Variants in NEGR1 observed in about 807,000 individuals in gnomAD.
The protein encoded by NEGR1 is neuronal growth regulator 1, also known as IgLON family member 4.
Under a neutral mutation model 40.9 loss-of-function variants are expected in NEGR1, and 10 were observed. The ratio of observed to expected loss-of-function variants is 0.24; its 90% confidence interval spans 0.15 to 0.42. NEGR1 has a LOEUF of 0.42. NEGR1 is among the 10% of genes least tolerant of loss of function. The probability of loss-of-function intolerance (pLI) is 1.00; values close to 1 mark genes in which losing one functional copy is unlikely to be tolerated. For synonymous variants in NEGR1, 185 were observed against 166.8 expected, an observed-to-expected ratio of 1.11 and a Z score of -0.84; for missense variants, 352 against 438.9, an observed-to-expected ratio of 0.80 and a Z score of 1.77.
chr1:72,281,268 G>T (rs560212949), intron 1 of NEGR1, among the ~76,000 whole-genome samples: 1 of 152,156 alleles, frequency 6.6e-6, no homozygotes, highest in Non-Finnish European at 1.5e-5. Context: ...TGAGAGCAGC[G>T]AGTGAGACAG....
intron 2 of NEGR1, among the ~76,000 whole-genome samples, chr1:71,899,492 T>A (rs577571953): frequency 6.6e-6 from 1 of 152,104 alleles, no homozygotes; most frequent in African/African-American, 2.4e-5. Context: ...GAAGAATCAC[T>A]GAGGAAGAAA....
chr1:71,654,075 C>T (rs1281242306), intron 4 of NEGR1, among the ~76,000 whole-genome samples: 4 of 151,958 alleles, frequency 2.6e-5, no homozygotes, highest in Non-Finnish European at 4.4e-5. Context: ...TATTGATAAG[C>T]GAAAGAAGCC....
At chr1:71,943,821 T>C (rs1189541060) in intron 1 of NEGR1, among the ~76,000 whole-genome samples, 2 of 152,202 alleles carry the variant, frequency 1.3e-5, no homozygotes, top group African/African-American at 4.8e-5. Context: ...TTTAAATGTA[T>C]GATCTCATTT....
intron 1 of NEGR1, among the ~76,000 whole-genome samples, chr1:72,047,339 C>A (rs1463156386): frequency 1.3e-5 from 2 of 151,302 alleles, no homozygotes; most frequent in African/African-American, 2.4e-5. Context: ...AAAAGCAGAG[C>A]AGAAATAGAG....
At chr1:71,512,364 C>A (rs1001482517) in intron 6 of NEGR1, among the ~76,000 whole-genome samples, 1 of 152,066 alleles carries the variant, frequency 6.6e-6, no homozygotes, top group Non-Finnish European at 1.5e-5. Context: ...GATAACAGGA[C>A]TGTACTCAAG....
intron 1 of NEGR1, among the ~76,000 whole-genome samples, chr1:71,990,549 C>T (rs959234539): frequency 4.6e-5 from 7 of 151,904 alleles, no homozygotes; most frequent in African/African-American, 1.5e-4. Flanking sequence ...GAAATGCATG[C>T]CAAGTAATAT....
intron 4 of NEGR1, among the ~76,000 whole-genome samples, chr1:71,670,374 T>G (rs1326480556): frequency 1.3e-5 from 2 of 152,000 alleles, no homozygotes; most frequent in Admixed American, 1.3e-4. Context: ...TTTTAAGATT[T>G]TCTCACTGTA....
In NEGR1 at chr1:71,405,894, G is replaced by T. The variant is rs1160400284; in HGVS notation, c.*1552C>A. The T allele has an allele frequency of 6.6e-6, 1 of 152,228 alleles. No individual in the cohort carries two copies. Among genetic ancestry groups the T allele is most frequent in the Non-Finnish European group, 1.5e-5 (1 of 67,826 alleles). The allele number at this position is 152,228 out of a possible 1,614,324, so 9.4% of individuals were successfully genotyped here. A position where few individuals can be genotyped will look rare whatever the true frequency, so the allele number is the denominator to read the frequency against. On this transcript the variant is annotated 3_prime_UTR_variant, in exon 7 of 7. Transcript: ENST00000357731. ...AAACCTGTAAAATGGCTTTCAAGGT[G>T]ATGGCCTTTCTTTAGTAAAGAGTGA...
chr1:71,471,662 CAA>C (rs5775065), intron 6 of NEGR1, among the ~76,000 whole-genome samples: 1 of 151,630 alleles, frequency 6.6e-6, no homozygotes, highest in South Asian at 2.1e-4. Flanking sequence ...ACAACAACAA[CAA>C]AAAAAAAGAC....
chr1:71,932,786 A>G (rs1645867686), intron 2 of NEGR1, among the ~76,000 whole-genome samples: 1 of 152,066 alleles, frequency 6.6e-6, no homozygotes, highest in East Asian at 1.9e-4. Context: ...CTATGCTGAT[A>G]CCCCTGAGCA....
At chr1:71,907,832 C>G (rs760876319) in intron 2 of NEGR1, among the ~76,000 whole-genome samples, 1 of 152,036 alleles carries the variant, frequency 6.6e-6, no homozygotes, top group Non-Finnish European at 1.5e-5. Flanking sequence ...ATGAAAAGAA[C>G]AAAATCATGT....
At chr1:71,934,953 C>G in intron 2 of NEGR1, 126 bp downstream of exon 2, 1 of 648,594 alleles carries the variant, frequency 1.5e-6, no homozygotes, top group Non-Finnish European at 2.7e-6. Flanking sequence ...CAATATAATT[C>G]AACAAATATT....
intron 2 of NEGR1, among the ~76,000 whole-genome samples, chr1:71,928,345 C>CATATGTATAT (rs1409368844): frequency 1.0e-4 from 9 of 86,268 alleles, no homozygotes; most frequent in Admixed American, 8.9e-4. Context: ...TATATACACA[C>CATATGTATAT]ATGTGTATAT....
rs192262616 is a variant in NEGR1, at chr1:71,494,983, A to G, written c.941-87413T>C. 7.2e-5 allele frequency among the ~76,000 whole-genome samples: 11 copies of G among 152,292 alleles called. 1 individual carries two copies. The East Asian group carries it at 2.1e-3, about 29-fold the overall frequency. On this transcript the variant is annotated intron_variant, in intron 6 of 6. Coordinates refer to ENST00000357731, the MANE Select transcript of NEGR1 (RefSeq NM_173808.3). ...AAGATGCAGACCTTTAGGATGGTTC[A>G]CTTCCACTTAATAACTAGAAAATAT...
At chr1:71,825,360 T>C (rs1407071216) in intron 2 of NEGR1, among the ~76,000 whole-genome samples, 1 of 151,938 alleles carries the variant, frequency 6.6e-6, no homozygotes, top group Non-Finnish European at 1.5e-5. Flanking sequence ...ACAACTCATC[T>C]GTGTAGTTTT....
intron 5 of NEGR1, among the ~76,000 whole-genome samples, chr1:71,599,846 C>T (rs1013399128): frequency 2.6e-5 from 4 of 152,262 alleles, no homozygotes; most frequent in South Asian, 4.1e-4. Flanking sequence ...TTTAACCCTA[C>T]GTTAAATAAA....
chr1:71,809,324 C>T (rs904966010), intron 2 of NEGR1, among the ~76,000 whole-genome samples: 7 of 152,094 alleles, frequency 4.6e-5, no homozygotes, highest in South Asian at 2.1e-4. Flanking sequence ...AATTTACTTC[C>T]GTGGAAATTC....
At chr1:72,171,319 T>A (rs1358921854) in intron 1 of NEGR1, among the ~76,000 whole-genome samples, 1 of 152,202 alleles carries the variant, frequency 6.6e-6, no homozygotes, top group African/African-American at 2.4e-5. Context: ...TAAATTTGTG[T>A]GCATACATGG....
At chr1:72,221,611 T>C (rs1654012843) in intron 1 of NEGR1, among the ~76,000 whole-genome samples, 1 of 152,096 alleles carries the variant, frequency 6.6e-6, no homozygotes, top group South Asian at 2.1e-4. Context: ...TGTGCCATGA[T>C]GAAATACAAT....
Sources: allele counts gnomAD v4.1 joint callset (sites outside exome capture counted in the v4.1 genomes callset), GRCh38; gene constraint gnomAD v4.1.1; transcripts MANE v1.5; gene names NCBI Gene and HGNC (gene_info 2026-07-23, HGNC 2026-07-21).